Variants in CACNA1A observed in about 807,000 individuals in gnomAD.
The protein encoded by CACNA1A is voltage-dependent P/Q-type calcium channel subunit alpha-1A.
In CACNA1A, 57 loss-of-function variants were observed where a neutral mutation model predicts 262.4. The observed-to-expected ratio is 0.22, with a 90% CI of 0.18 to 0.27. CACNA1A has a LOEUF of 0.27. CACNA1A is among the 10% of genes least tolerant of loss of function. The pLI is 1.00. For missense variants in CACNA1A, 2,526 were observed against 3,562.8 expected (o/e 0.71, Z 7.41); for synonymous variants, 1,431 against 1,419.3 (o/e 1.01, Z -0.18).
intron 3 of CACNA1A, among the ~76,000 whole-genome samples, chr19:13,445,655 T>C (rs1444998561): frequency 6.6e-6 from 1 of 152,208 alleles, no homozygotes; most frequent in Non-Finnish European, 1.5e-5. Context: ...CTTCAATATT[T>C]ATATATATTT....
At chr19:13,335,032 C>CAAA (rs5827189) in intron 7 of CACNA1A, among the ~76,000 whole-genome samples, 1 of 149,352 alleles carries the variant, frequency 6.7e-6, no homozygotes, top group African/African-American at 2.5e-5. Context: ...GACACCGTCT[C>CAAA]AAAAAAAAAC....
chr19:13,296,614 C>T (rs960226626), intron 19 of CACNA1A, among the ~76,000 whole-genome samples: 3 of 152,198 alleles, frequency 2.0e-5, no homozygotes, highest in Non-Finnish European at 4.4e-5. Flanking sequence ...GTCTTGAACT[C>T]CGGGGCTCAA....
chr19:13,211,674 G>A (rs1053087169), intron 43 of CACNA1A: 21 of 209,518 alleles, frequency 1.0e-4, no homozygotes, highest in Admixed American at 6.3e-4. Context: ...AAGCATCTGA[G>A]TAGGCGCACA....
intron 18 of CACNA1A, among the ~76,000 whole-genome samples, 176 bp from the exon 19 acceptor site, chr19:13,299,529 G>T (rs1166111442): frequency 1.3e-5 from 2 of 152,214 alleles, no homozygotes; most frequent in East Asian, 3.9e-4. Flanking sequence ...CTCTGCTCAA[G>T]AACCCTCCAT....
intron 2 of CACNA1A, among the ~76,000 whole-genome samples, chr19:13,453,528 A>G (rs1357012218): frequency 1.3e-5 from 2 of 152,174 alleles, no homozygotes; most frequent in African/African-American, 4.8e-5. Flanking sequence ...GAGCTTGTGC[A>G]TTGACCTCAC....
chr19:13,229,906 A>T, intron 36 of CACNA1A, 176 bp downstream of exon 36: 1 of 678,580 alleles, frequency 1.5e-6, no homozygotes, highest in Non-Finnish European at 2.4e-6. Context: ...CTACGTGTTT[A>T]ATCTGGGGTA....
rs564752377 is a variant in CACNA1A at position 13,374,564 on chromosome 19, T to C, written c.540-2785A>G. Among the ~76,000 whole-genome samples, 417 of 152,104 alleles carry C rather than the reference T, an allele frequency of 2.7e-3. 1 individual carries two copies. Among genetic ancestry groups the C allele is most frequent in the Middle Eastern group, 0.01 (3 of 292 alleles). On this transcript the variant is annotated intron_variant, in intron 3 of 46. Transcript: ENST00000360228. The stretch of plus-strand genomic sequence containing the variant: ...TGCACTTGGCCCATTCAACTTTTAA[T>C]TTGATTTACTTTATTTTTCTCTTCT...
chr19:13,459,498 G>A (rs72999642), intron 1 of CACNA1A, among the ~76,000 whole-genome samples: 14,737 of 152,230 alleles, frequency 0.097, 957 homozygotes, highest in East Asian at 0.34. Context: ...CCTTGCCGAC[G>A]ATCATCTCTG....
chr19:13,257,777 G>A (rs2056611552), intron 27 of CACNA1A: 2 of 358,322 alleles, frequency 5.6e-6, no homozygotes, highest in Non-Finnish European at 5.1e-6. Context: ...CGCTCTCGTT[G>A]CCCAGGCTGG....
At chr19:13,397,750 C>T (rs2059833797) in intron 3 of CACNA1A, among the ~76,000 whole-genome samples, 2 of 152,314 alleles carry the variant, frequency 1.3e-5, no homozygotes, top group Admixed American at 1.3e-4. Context: ...TAAGCTCTAG[C>T]CAGTGGGAGG....
intron 3 of CACNA1A, among the ~76,000 whole-genome samples, chr19:13,442,595 G>A (rs554223859): frequency 2.0e-5 from 3 of 152,268 alleles, no homozygotes; most frequent in East Asian, 3.9e-4. Context: ...ACCAACTTTC[G>A]TGTGTGATGC....
chr19:13,359,393 G>A (rs1418432133), intron 6 of CACNA1A, among the ~76,000 whole-genome samples: 1 of 152,160 alleles, frequency 6.6e-6, no homozygotes, highest in Non-Finnish European at 1.5e-5. Flanking sequence ...GGGCCCTCCA[G>A]ACTTCTATGC....
intron 1 of CACNA1A, among the ~76,000 whole-genome samples, chr19:13,456,414 T>C (rs960211167): frequency 6.6e-6 from 1 of 152,178 alleles, no homozygotes; most frequent in African/African-American, 2.4e-5. Context: ...GGCTCACGCC[T>C]GTAATCCCAG....
chr19:13,227,553 CA>C lies in CACNA1A; in HGVS notation c.5529-27del, dbSNP rs758635527. ...CTGGCAGCACCGAAAATGAAAAAAACAAAAACAAAAACAAAAAAACAAAACG... is the reference window on the plus strand; with the variant it reads ...CTGGCAGCACCGAAAATGAAAAAAACAAAACAAAAACAAAAAAACAAAACG... On this transcript the variant is annotated intron_variant, in intron 36 of 46. Coordinates refer to ENST00000360228, the MANE Select transcript of CACNA1A (RefSeq NM_001127222.2). The C allele has an allele frequency of 3.0e-6, 4 of 1,342,560 alleles. No individual in the cohort carries two copies. The South Asian group carries it at 5.6e-5, about 19-fold the overall frequency. 83.2% of individuals were successfully genotyped at this position (1,342,560 alleles called of 1,614,324 possible). A position where few individuals can be genotyped will look rare whatever the true frequency, so the allele number is the denominator to read the frequency against.
At chr19:13,488,398 T>C (rs1169152932) in intron 1 of CACNA1A, among the ~76,000 whole-genome samples, 6 of 126,502 alleles carry the variant, frequency 4.7e-5, no homozygotes, top group Non-Finnish European at 1.0e-4. Context: ...TTCTTTTTTT[T>C]TTTTTTTTTT....
Position 13,259,584 on chromosome 19 carries a change from G to A in CACNA1A, c.4368C>T (p.Ser1456=). The part of the protein sequence containing the change: ...LWALLTLFTV[S]TGEGWPQVLK... ...CTTACTGTGGCCAGCCTTCTCCCGT[G>A]GACACGGTGAAGAGGGTCAGCAGAG... Residue 1456 remains serine (S), a synonymous_variant, in exon 27 of 47, where the codon TCC becomes TCT. Coordinates refer to ENST00000360228, the MANE Select transcript of CACNA1A (RefSeq NM_001127222.2). The A allele has an allele frequency of 1.2e-6, 2 of 1,608,396 alleles. No homozygotes were observed. Among genetic ancestry groups the A allele is most frequent in the Non-Finnish European group, 8.5e-7 (1 of 1,177,356 alleles).
chr19:13,345,917 T>TG (rs1162583526), intron 6 of CACNA1A, among the ~76,000 whole-genome samples: 1 of 86,794 alleles, frequency 1.2e-5, no homozygotes, highest in Non-Finnish European at 2.5e-5. Flanking sequence ...TTTTTTTTTT[T>TG]TGAGACAGAG....
chr19:13,313,589 GA>G (rs2058076248), intron 11 of CACNA1A, among the ~76,000 whole-genome samples: 2 of 150,114 alleles, frequency 1.3e-5, no homozygotes, highest in Non-Finnish European at 3.0e-5. Flanking sequence ...AAAGGAATGA[GA>G]AAAATATCAG....
chr19:13,235,852 TAAG>T (rs2144650430), intron 31 of CACNA1A, 122 bp from the exon 32 acceptor site: 6 of 627,382 alleles, frequency 9.6e-6, no homozygotes, highest in East Asian at 2.7e-5. Flanking sequence ...AGACCCCAAA[TAAG>T]GAGGGAGAGA....
Sources: gnomAD v4.1 joint callset for allele counts (sites outside exome capture counted in the v4.1 genomes callset) on GRCh38, gnomAD v4.1.1 for gene constraint, MANE v1.5 for transcripts, NCBI Gene and HGNC (gene_info 2026-07-23, HGNC 2026-07-21) for gene names.